FBN2: variants seen among roughly 807,000 people sequenced by gnomAD.
FBN2 encodes the protein fibrillin 2.
FBN2 carries 105 observed loss-of-function variants against 355.6 expected under a neutral mutation model. That is an observed-to-expected ratio of 0.30 (90% CI 0.25 to 0.35). The LOEUF (loss-of-function observed/expected upper bound fraction) is 0.35. FBN2 is among the 10% of genes least tolerant of loss of function. The pLI is 1.00. For missense variants in FBN2, 3,280 were observed against 3,758.7 expected, an observed-to-expected ratio of 0.87 and a Z score of 3.33; for synonymous variants, 1,350 against 1,301.2, an observed-to-expected ratio of 1.04 and a Z score of -0.81.
intron 55 of FBN2, 89 bp from the exon 56 acceptor site, chr5:128,280,406 ACTT>A: frequency 2.0e-6 from 2 of 994,136 alleles, no homozygotes; most frequent in Non-Finnish European, 3.1e-6. Context: ...CTTATTTAAC[ACTT>A]CTTTGCCAAA....
At chr5:128,488,600 A>T (rs1286589871) in intron 5 of FBN2, among the ~76,000 whole-genome samples, 1 of 151,894 alleles carries the variant, frequency 6.6e-6, no homozygotes, top group African/African-American at 2.4e-5. Context: ...TGCTGTGCCC[A>T]TTAACTCGTC....
At chr5:128,457,423 C>T (rs1232525708) in intron 6 of FBN2, among the ~76,000 whole-genome samples, 1 of 152,072 alleles carries the variant, frequency 6.6e-6, no homozygotes, top group Non-Finnish European at 1.5e-5. Flanking sequence ...GCAAGACAGG[C>T]CAACAGGCAA....
At chr5:128,495,062 G>C (rs1257805157) in intron 5 of FBN2, among the ~76,000 whole-genome samples, 1 of 152,100 alleles carries the variant, frequency 6.6e-6, no homozygotes, top group Non-Finnish European at 1.5e-5. Context: ...TACTGACAAT[G>C]TCTCGTCAAA....
chr5:128,468,906 T>A (rs910584212), intron 5 of FBN2, among the ~76,000 whole-genome samples: 12 of 152,228 alleles, frequency 7.9e-5, no homozygotes, highest in Non-Finnish European at 1.6e-4. Context: ...TGATACTTTT[T>A]TCTAAATAAA....
intron 11 of FBN2, among the ~76,000 whole-genome samples, chr5:128,381,045 CTT>C (rs1444442164): frequency 1.3e-5 from 2 of 151,986 alleles, no homozygotes; most frequent in Non-Finnish European, 2.9e-5. Context: ...TTGAAAAATA[CTT>C]TATATGCCAA....
chr5:128,419,729 G>C (rs1038198491), intron 7 of FBN2, among the ~76,000 whole-genome samples: 1 of 152,052 alleles, frequency 6.6e-6, no homozygotes, highest in South Asian at 2.1e-4. Flanking sequence ...TTTTGCTCTT[G>C]TTGCCCGGGC....
At chr5:128,477,354 G>A (rs1755031523) in intron 5 of FBN2, among the ~76,000 whole-genome samples, 2 of 152,060 alleles carry the variant, frequency 1.3e-5, no homozygotes, top group Admixed American at 6.6e-5. Context: ...TTGGTGTAGA[G>A]GTAATGATTC....
chr5:128,472,816 A>T (rs1754902956), intron 5 of FBN2, among the ~76,000 whole-genome samples: 1 of 152,070 alleles, frequency 6.6e-6, no homozygotes, highest in Non-Finnish European at 1.5e-5. Flanking sequence ...AATGATTAAC[A>T]CAGCAAATTT....
rs375710546 is a variant in FBN2, at chr5:128,338,036, G to A, written c.3559C>T (p.Leu1187=). The change falls in exon 27 of 65, where the codon CTG becomes TTG. Residue 1187 remains leucine, a synonymous_variant. Transcript: ENST00000262464. The part of the protein sequence containing the change: ...TEGSFQCDCP[L]GHELSPSRED... ...CGGGATGGTGACAGCTCGTGTCCCAGTGGGCAGTCACACTGAAAGCTGCCC... is the reference window on the plus strand; with the variant it reads ...CGGGATGGTGACAGCTCGTGTCCCAATGGGCAGTCACACTGAAAGCTGCCC... 1.2e-6 allele frequency: 2 copies of A among 1,614,024 alleles called. No homozygotes were observed. Among genetic ancestry groups the A allele is most frequent in the Non-Finnish European group, 1.7e-6 (2 of 1,179,980 alleles).
intron 7 of FBN2, among the ~76,000 whole-genome samples, chr5:128,443,115 G>C (rs1245404268): frequency 6.6e-6 from 1 of 152,150 alleles, no homozygotes; most frequent in Non-Finnish European, 1.5e-5. Flanking sequence ...AAAAAGCAAA[G>C]GTCCTTGACA....
chr5:128,527,376 C>T (rs1756589460), intron 4 of FBN2, among the ~76,000 whole-genome samples: 1 of 152,254 alleles, frequency 6.6e-6, no homozygotes, highest in South Asian at 2.1e-4. Flanking sequence ...ATCATTTCAT[C>T]ACCCTGTATC....
At chr5:128,423,898 G>A (rs1017083265) in intron 7 of FBN2, among the ~76,000 whole-genome samples, 25 of 152,096 alleles carry the variant, frequency 1.6e-4, no homozygotes, top group African/African-American at 5.1e-4. Context: ...GAAAGTGGAT[G>A]AATTCAAAAT....
At chr5:128,479,976 C>CTATATATA (rs200921131) in intron 5 of FBN2, among the ~76,000 whole-genome samples, 2 of 29,070 alleles carry the variant, frequency 6.9e-5, no homozygotes, top group Non-Finnish European at 1.2e-4. Flanking sequence ...CTCTCTCTCT[C>CTATATATA]TATATATATA....
At chr5:128,405,978 A>T (rs1457865921) in intron 8 of FBN2, among the ~76,000 whole-genome samples, 1 of 152,174 alleles carries the variant, frequency 6.6e-6, no homozygotes, top group Non-Finnish European at 1.5e-5. Flanking sequence ...CGTTTCTCCT[A>T]AAGAGTTGAA....
At chr5:128,480,935 T>A (rs922089943) in intron 5 of FBN2, among the ~76,000 whole-genome samples, 2 of 151,414 alleles carry the variant, frequency 1.3e-5, no homozygotes, top group African/African-American at 2.4e-5. Context: ...TCCTCCTAAT[T>A]ACATATGGAT....
In FBN2 at chr5:128,286,880, C is replaced by G. The variant is rs776879882; in HGVS notation, c.6881-31G>C. ...ACAAAAAATAAAAATTAAAAATTAT[C>G]TGGAGCAAGCTGTAGTTTAGTACTT... On this transcript the variant is annotated intron_variant, in intron 54 of 64. Coordinates refer to ENST00000262464, the MANE Select transcript of FBN2 (RefSeq NM_001999.4). The G allele has an allele frequency of 2.5e-6, 4 of 1,605,034 alleles. No individual in the cohort carries two copies. In the South Asian group the frequency reaches 4.4e-5, roughly 18 times the overall value.
chr5:128,422,013 C>T (rs1014940006), intron 7 of FBN2, among the ~76,000 whole-genome samples: 3 of 152,138 alleles, frequency 2.0e-5, no homozygotes, highest in African/African-American at 7.2e-5. Context: ...TTTGAAGATG[C>T]TACACTACTG....
intron 7 of FBN2, among the ~76,000 whole-genome samples, chr5:128,431,340 A>G (rs1753621524): frequency 1.3e-5 from 2 of 152,212 alleles, no homozygotes. Context: ...AATATGTTCC[A>G]TGACCCTCAA....
At chr5:128,496,747 C>T (rs1024708323) in intron 5 of FBN2, among the ~76,000 whole-genome samples, 1 of 151,618 alleles carries the variant, frequency 6.6e-6, no homozygotes, top group Non-Finnish European at 1.5e-5. Flanking sequence ...TCACGCATTT[C>T]ATGTATATTA....
Sources: gnomAD v4.1 joint callset for allele counts (sites outside exome capture counted in the v4.1 genomes callset) on GRCh38, gnomAD v4.1.1 for gene constraint, MANE v1.5 for transcripts, NCBI Gene and HGNC (gene_info 2026-07-23, HGNC 2026-07-21) for gene names.